The following ZBTB41 variants were observed in gnomAD, a reference collection of about 807,000 sequenced individuals.
ZBTB41 encodes zinc finger and BTB domain containing 41, also known as zinc finger and BTB domain-containing protein 41.
In ZBTB41, 42 loss-of-function variants were observed where a neutral mutation model predicts 87.6. The observed-to-expected ratio is 0.48, with a 90% CI of 0.37 to 0.62. ZBTB41 has a LOEUF of 0.62. Ranked by LOEUF, ZBTB41 falls within the 20% of genes least tolerant of loss-of-function variation. The pLI, the probability that ZBTB41 is intolerant of heterozygous loss-of-function variation, is 0.00. For synonymous variants in ZBTB41, 364 were observed against 364.0 expected (o/e 1.00, Z 0.00); for missense variants, 799 against 1,078.9 (o/e 0.74, Z 3.63).
intron 2 of ZBTB41, among the ~76,000 whole-genome samples, chr1:197,194,873 C>A (rs947572860): frequency 6.6e-6 from 1 of 152,174 alleles, no homozygotes; most frequent in Non-Finnish European, 1.5e-5. Flanking sequence ...GGAGAGACAA[C>A]TTTTGACGGA....
intron 9 of ZBTB41, among the ~76,000 whole-genome samples, chr1:197,172,932 C>A: frequency 6.6e-6 from 1 of 151,876 alleles, no homozygotes; most frequent in African/African-American, 2.4e-5. Flanking sequence ...AAATATTAGT[C>A]CTTTATTTTT....
intron 2 of ZBTB41, among the ~76,000 whole-genome samples, chr1:197,193,040 T>G (rs1401661469): frequency 1.3e-5 from 2 of 152,178 alleles, no homozygotes; most frequent in East Asian, 1.9e-4. Flanking sequence ...AAAAATTAGG[T>G]ATTTAGGTGT....
At chr1:197,164,454 T>G (rs951699947) in intron 10 of ZBTB41, among the ~76,000 whole-genome samples, 1 of 151,274 alleles carries the variant, frequency 6.6e-6, no homozygotes, top group African/African-American at 2.4e-5. Context: ...ACATACAAAT[T>G]AAAGGACAAA....
chr1:197,178,407 T>A lies in ZBTB41; in HGVS notation c.1772+10A>T. 1 of 1,576,712 alleles carries A rather than the reference T, an allele frequency of 6.3e-7. No homozygotes were observed. On this transcript the variant is annotated intron_variant, in intron 7 of 10. Coordinates refer to ENST00000367405, the MANE Select transcript of ZBTB41 (RefSeq NM_194314.3). ...CTTACTTAATAAAGGGAAAAAATGG[T>A]TTTACTTACCTATACGAACTTCCAT... is the stretch of plus-strand genomic sequence containing the variant.
At chr1:197,166,152 G>A (rs192473049) in intron 10 of ZBTB41, among the ~76,000 whole-genome samples, 2 of 151,990 alleles carry the variant, frequency 1.3e-5, no homozygotes, top group East Asian at 3.9e-4. Flanking sequence ...TAACAAACCT[G>A]CACATTCTGC....
At chr1:197,165,895 C>T (rs1232224999) in intron 10 of ZBTB41, among the ~76,000 whole-genome samples, 1 of 152,144 alleles carries the variant, frequency 6.6e-6, no homozygotes, top group Non-Finnish European at 1.5e-5. Flanking sequence ...ACTGAGGTAC[C>T]CAGCTCATCT....
intron 5 of ZBTB41, among the ~76,000 whole-genome samples, chr1:197,184,232 C>CTTAGAAG (rs1659828170): frequency 2.6e-5 from 4 of 152,164 alleles, no homozygotes; most frequent in Admixed American, 2.6e-4. Context: ...ATGATGGCTT[C>CTTAGAAG]TTAGAAGTGC....
intron 2 of ZBTB41, among the ~76,000 whole-genome samples, chr1:197,195,658 G>T (rs1403886947): frequency 6.6e-6 from 1 of 151,908 alleles, no homozygotes; most frequent in East Asian, 1.9e-4. Context: ...TTAATCTAAT[G>T]AAAGATTTTA....
At chr1:197,184,190 T>C (rs1334498638) in intron 5 of ZBTB41, among the ~76,000 whole-genome samples, 2 of 152,198 alleles carry the variant, frequency 1.3e-5, no homozygotes, top group African/African-American at 4.8e-5. Flanking sequence ...ACATGTCAAC[T>C]ACAGTTTGGT....
chr1:197,196,786 C>T (rs541591683), intron 2 of ZBTB41, among the ~76,000 whole-genome samples: 86 of 152,296 alleles, frequency 5.6e-4, no homozygotes, highest in African/African-American at 1.8e-3. Context: ...ACCACTCACA[C>T]TTGAGCAATT....
chr1:197,159,138 T>C lies in ZBTB41; in HGVS notation c.*221A>G. The C allele has an allele frequency of 2.0e-6, 1 of 493,450 alleles. No individual in the cohort carries two copies. The highest frequency in any genetic ancestry group is 1.9e-5 in the African/African-American group (1 of 51,900). 30.6% of individuals were successfully genotyped at this position (493,450 alleles called of 1,614,324 possible). A position where few individuals can be genotyped will look rare whatever the true frequency, so the allele number is the denominator to read the frequency against. On this transcript the variant is annotated 3_prime_UTR_variant, in exon 11 of 11. Transcript: ENST00000367405. ...ATTAAAAGTTAGCACTAAATAATCTTTAAAAATCACAAAAATGTGCACTTC... is the reference window on the plus strand; with the variant it reads ...ATTAAAAGTTAGCACTAAATAATCTCTAAAAATCACAAAAATGTGCACTTC...
intron 9 of ZBTB41, 67 bp downstream of exon 9, chr1:197,174,939 CAAAA>C: frequency 1.6e-6 from 2 of 1,269,428 alleles, no homozygotes; most frequent in South Asian, 2.7e-5. Flanking sequence ...ACAAAGTAAA[CAAAA>C]AAAGTTACAA....
At chr1:197,176,789 A>G in intron 7 of ZBTB41, 119 bp from the exon 8 acceptor site, 1 of 701,706 alleles carries the variant, frequency 1.4e-6, no homozygotes, top group Non-Finnish European at 2.4e-6. Context: ...CCACTCATAC[A>G]TTATTGGCTT....
chr1:197,173,354 AT>A (rs1479421888), intron 9 of ZBTB41, among the ~76,000 whole-genome samples: 1 of 152,132 alleles, frequency 6.6e-6, no homozygotes, highest in Non-Finnish European at 1.5e-5. Flanking sequence ...ATAAGACAAC[AT>A]AAAAAGCACT....
chr1:197,182,539 T>C lies in ZBTB41; in HGVS notation c.1547-1422A>G, dbSNP rs192690272. On this transcript the variant is annotated intron_variant, in intron 5 of 10. Transcript: ENST00000367405. ...TGATCCTCCCACCTGTCTCCCAAAGTGCTGAGATTACAGACGTGAGTCACC... is the reference window on the plus strand; with the variant it reads ...TGATCCTCCCACCTGTCTCCCAAAGCGCTGAGATTACAGACGTGAGTCACC... Among the ~76,000 whole-genome samples, 641 of 152,202 alleles carry C rather than the reference T, an allele frequency of 4.2e-3. 5 individuals carry two copies. The highest frequency in any genetic ancestry group is 0.015 in the African/African-American group (625 of 41,532).
intron 6 of ZBTB41, among the ~76,000 whole-genome samples, chr1:197,180,534 C>T (rs1659719481): frequency 6.6e-6 from 1 of 152,052 alleles, no homozygotes. Flanking sequence ...TAACACCCAG[C>T]TTTGTGGAAA....
rs535338688 is a variant in ZBTB41, at chr1:197,188,682, C to A, written c.1399-243G>T. 2.0e-5 allele frequency among the ~76,000 whole-genome samples: 3 copies of A among 152,214 alleles called. No individual in the cohort carries two copies. In the East Asian group the frequency reaches 5.8e-4, roughly 29 times the overall value. ...ACTCTTTACATTTCTAGTAGGGATACAGAATAATCATACTATCTTAATTCT... is the reference window on the plus strand; with the variant it reads ...ACTCTTTACATTTCTAGTAGGGATAAAGAATAATCATACTATCTTAATTCT... On this transcript the variant is annotated intron_variant, in intron 4 of 10. Transcript: ENST00000367405.
chr1:197,194,373 A>C (rs1355226112), intron 2 of ZBTB41, among the ~76,000 whole-genome samples: 1 of 152,108 alleles, frequency 6.6e-6, no homozygotes. Flanking sequence ...AAGTATGAAA[A>C]ATTTTTCAAC....
rs1156935424 is a variant in ZBTB41, at chr1:197,159,268, A to C, written c.*91T>G. On this transcript the variant is annotated 3_prime_UTR_variant, in exon 11 of 11. Coordinates refer to ENST00000367405, the MANE Select transcript of ZBTB41 (RefSeq NM_194314.3). ...CTGAGGACTTGAGAAACTAGAGAAA[A>C]CAAGAAAATAGCAGCCCCACAAATT... The C allele has an allele frequency of 1.5e-6, 2 of 1,302,392 alleles. No individual in the cohort carries two copies. The highest frequency in any genetic ancestry group is 2.1e-5 in the Admixed American group (1 of 48,288). 80.7% of individuals were successfully genotyped at this position (1,302,392 alleles called of 1,614,324 possible).
Sources: allele counts gnomAD v4.1 joint callset (sites outside exome capture counted in the v4.1 genomes callset), GRCh38; gene constraint gnomAD v4.1.1; transcripts MANE v1.5; gene names NCBI Gene and HGNC (gene_info 2026-07-23, HGNC 2026-07-21).